Variants in SPOCK1 observed in about 807,000 individuals in gnomAD.
The protein encoded by SPOCK1 is SPARC (osteonectin), cwcv and kazal like domains proteoglycan 1, also known as testican-1.
In SPOCK1, 23 loss-of-function variants were observed where a neutral mutation model predicts 55.3. The observed-to-expected ratio is 0.42, with a 90% CI of 0.30 to 0.59. The LOEUF is 0.59. Ranked by LOEUF, SPOCK1 falls within the 20% of genes least tolerant of loss-of-function variation. The pLI is 0.22. For synonymous variants in SPOCK1, 226 were observed against 221.0 expected, an observed-to-expected ratio of 1.02 and a Z score of -0.20; for missense variants, 499 against 552.5, an observed-to-expected ratio of 0.90 and a Z score of 0.97.
At chr5:137,334,045 C>G (rs1750181055) in intron 2 of SPOCK1, among the ~76,000 whole-genome samples, 1 of 152,182 alleles carries the variant, frequency 6.6e-6, no homozygotes, top group African/African-American at 2.4e-5. Context: ...CCCATGGAGT[C>G]CTATTCTCTA....
chr5:137,359,519 G>A (rs938525627), intron 2 of SPOCK1, among the ~76,000 whole-genome samples: 1 of 152,188 alleles, frequency 6.6e-6, no homozygotes, highest in Non-Finnish European at 1.5e-5. Flanking sequence ...CAGACAGTAG[G>A]TTAGCACATG....
intron 2 of SPOCK1, among the ~76,000 whole-genome samples, chr5:137,425,510 A>G (rs1397511004): frequency 6.6e-6 from 1 of 152,234 alleles, no homozygotes; most frequent in Non-Finnish European, 1.5e-5. Context: ...TGACAACTCT[A>G]ATAATGTTGC....
At chr5:137,233,037 C>T (rs1756096525) in intron 3 of SPOCK1, among the ~76,000 whole-genome samples, 1 of 152,156 alleles carries the variant, frequency 6.6e-6, no homozygotes, top group Admixed American at 6.5e-5. Context: ...CTTTCTAGAC[C>T]TGCATCACCA....
intron 4 of SPOCK1, among the ~76,000 whole-genome samples, chr5:137,129,993 C>A (rs1044078373): frequency 6.6e-6 from 1 of 152,144 alleles, no homozygotes; most frequent in African/African-American, 2.4e-5. Context: ...TTTCTTCCCC[C>A]CTCATCCTTC....
intron 2 of SPOCK1, among the ~76,000 whole-genome samples, chr5:137,375,756 C>T (rs1274382144): frequency 6.6e-6 from 1 of 152,148 alleles, no homozygotes; most frequent in Non-Finnish European, 1.5e-5. Context: ...AGAAATTCAG[C>T]ATCAACAATA....
intron 6 of SPOCK1, among the ~76,000 whole-genome samples, chr5:137,017,774 G>C (rs573353221): frequency 6.6e-6 from 1 of 152,158 alleles, no homozygotes; most frequent in East Asian, 1.9e-4. Context: ...AATAAAGAGG[G>C]GGTCTGTATA....
chr5:137,019,136 T>C (rs1751512019), intron 6 of SPOCK1, among the ~76,000 whole-genome samples: 1 of 152,206 alleles, frequency 6.6e-6, no homozygotes, highest in African/African-American at 2.4e-5. Context: ...GATGTGAATG[T>C]AAATAATCCA....
chr5:137,040,504 G>A (rs967983018), intron 6 of SPOCK1, among the ~76,000 whole-genome samples: 1 of 152,088 alleles, frequency 6.6e-6, no homozygotes, highest in Non-Finnish European at 1.5e-5. Flanking sequence ...AATACATAAG[G>A]GACAAATACT....
chr5:137,464,342 G>A (rs1174990438), intron 2 of SPOCK1, among the ~76,000 whole-genome samples: 2 of 151,750 alleles, frequency 1.3e-5, no homozygotes, highest in East Asian at 1.9e-4. Flanking sequence ...TTGAAGGGAT[G>A]GATACTCAAT....
intron 4 of SPOCK1, among the ~76,000 whole-genome samples, chr5:137,132,000 A>G (rs1415279307): frequency 3.4e-5 from 2 of 58,044 alleles, no homozygotes; most frequent in African/African-American, 1.6e-4. Context: ...ATATATATAT[A>G]TATATATATA....
chr5:137,149,380 T>A (rs1357183956), intron 3 of SPOCK1, among the ~76,000 whole-genome samples: 1 of 152,230 alleles, frequency 6.6e-6, no homozygotes, highest in African/African-American at 2.4e-5. Flanking sequence ...TAAAATGCTA[T>A]AATAGTAAAG....
At chr5:137,347,950 T>C (rs72796516) in intron 2 of SPOCK1, among the ~76,000 whole-genome samples, 5,269 of 152,296 alleles carry the variant, frequency 0.035, 134 homozygotes, top group Non-Finnish European at 0.05. Context: ...GGCCATCTTG[T>C]TAAAATGCAC....
Position 136,988,579 on chromosome 5 carries a change from G to T in SPOCK1, c.771C>A (p.Asp257Glu). ...GGTCAAGCAGGAGGTCATAGTTCAT[G>T]TCCAACTTGTTGAACATCCAGCCCA... Reference protein sequence around the residue: ...DSLGWMFNKLDMNYDLLLDPS... With the variant: ...DSLGWMFNKLEMNYDLLLDPS... Residue 257 changes from aspartate (D) to glutamate (E), a missense_variant, in exon 8 of 11, where the codon GAC (aspartate) becomes GAA (glutamate). By Grantham distance (45) the Asp-to-Glu change is conservative (BLOSUM62 2). Around this residue, in one of 3 missense-constraint regions of SPOCK1, gnomAD observed 386 missense variants for 400.6 expected, o/e 0.96. Coordinates refer to ENST00000394945, the MANE Select transcript of SPOCK1 (RefSeq NM_004598.4). The T allele has an allele frequency of 6.2e-7, 1 of 1,614,110 alleles. No individual in the cohort carries two copies. Among genetic ancestry groups the T allele is most frequent in the Non-Finnish European group, 8.5e-7 (1 of 1,179,972 alleles).
At chr5:137,363,398 T>C (rs1173041307) in intron 2 of SPOCK1, among the ~76,000 whole-genome samples, 1 of 152,130 alleles carries the variant, frequency 6.6e-6, no homozygotes, top group African/African-American at 2.4e-5. Flanking sequence ...AAGTCCGGAG[T>C]GCGGAGGCCA....
At chr5:137,246,924 C>T (rs751196130) in intron 3 of SPOCK1, among the ~76,000 whole-genome samples, 7 of 152,184 alleles carry the variant, frequency 4.6e-5, no homozygotes, top group African/African-American at 7.2e-5. Flanking sequence ...AAATCCGAAG[C>T]CCCATCCCAG....
At chr5:137,040,727 T>C (rs1751979348) in intron 6 of SPOCK1, among the ~76,000 whole-genome samples, 1 of 152,232 alleles carries the variant, frequency 6.6e-6, no homozygotes, top group Non-Finnish European at 1.5e-5. Flanking sequence ...AACAATCAAT[T>C]TCACATCTCT....
At chr5:137,184,200 T>C (rs1286882768) in intron 3 of SPOCK1, among the ~76,000 whole-genome samples, 2 of 152,146 alleles carry the variant, frequency 1.3e-5, no homozygotes, top group Admixed American at 1.3e-4. Flanking sequence ...AGCTTCAGCT[T>C]TCTCCCAAGG....
chr5:137,079,060 C>T (rs1012891576), intron 5 of SPOCK1, among the ~76,000 whole-genome samples: 4 of 152,196 alleles, frequency 2.6e-5, no homozygotes, highest in Non-Finnish European at 4.4e-5. Context: ...CGGCCATGTC[C>T]CTTGAGGCTT....
At chr5:137,404,653 T>C (rs895449257) in intron 2 of SPOCK1, among the ~76,000 whole-genome samples, 2 of 151,466 alleles carry the variant, frequency 1.3e-5, no homozygotes, top group Non-Finnish European at 2.9e-5. Flanking sequence ...CTCCTGACCT[T>C]GTGATACACC....
Sources: allele counts gnomAD v4.1 joint callset (sites outside exome capture counted in the v4.1 genomes callset), GRCh38; gene constraint gnomAD v4.1.1; regional missense constraint gnomAD v4.1.1; transcripts MANE v1.5; gene names NCBI Gene and HGNC (gene_info 2026-07-23, HGNC 2026-07-21).